Variants in RGS6 observed in about 807,000 individuals in gnomAD.
RGS6 encodes the protein regulator of G protein signaling 6.
In RGS6, 30 loss-of-function variants were observed where a neutral mutation model predicts 78.5. That is an observed-to-expected ratio of 0.38 (90% CI 0.29 to 0.52). RGS6 has a LOEUF of 0.52. Among genes scored for constraint, RGS6 ranks in the 20% least tolerant of loss-of-function variants. RGS6 has a pLI of 0.85. For synonymous variants in RGS6, 206 were observed against 206.0 expected (o/e 1.00, Z 0.00); for missense variants, 495 against 609.7 (o/e 0.81, Z 1.98).
chr14:72,212,074 G>C (rs765792314), intron 2 of RGS6, among the ~76,000 whole-genome samples: 2 of 152,136 alleles, frequency 1.3e-5, no homozygotes, highest in Non-Finnish European at 2.9e-5. Context: ...TTACCTGGGG[G>C]AGAGCACCTA....
At chr14:72,108,260 C>T (rs1384743750) in intron 2 of RGS6, among the ~76,000 whole-genome samples, 1 of 152,094 alleles carries the variant, frequency 6.6e-6, no homozygotes, top group Non-Finnish European at 1.5e-5. Flanking sequence ...AGATCATATC[C>T]TTCTGGCATA....
chr14:72,474,631 T>A lies in RGS6; in HGVS notation c.625T>A (p.Cys209Ser), dbSNP rs2096186963. The A allele has an allele frequency of 6.2e-7, 1 of 1,608,630 alleles. No individual in the cohort carries two copies. The highest frequency in any genetic ancestry group is 1.7e-5 in the Admixed American group (1 of 59,272). ...FWDVHRPVPG[C>S]VNTTEMDIRK... ...TGTGTTTTTTTTTTCTCAGCCAGGC[T>A]GTGTGAACACAACAGAAATGGATAT... is the stretch of plus-strand genomic sequence containing the variant. The change falls in exon 10 of 18, where the codon TGT (cysteine) becomes AGT (serine). Residue 209 changes from cysteine (C) to serine (S), a missense_variant. Physicochemically the swap from Cys to Ser is moderately radical, Grantham distance 112 (BLOSUM62 -1). Transcript: ENST00000553525.
At chr14:72,458,891 G>A (rs1007060096) in intron 5 of RGS6, among the ~76,000 whole-genome samples, 1 of 152,168 alleles carries the variant, frequency 6.6e-6, no homozygotes, top group African/African-American at 2.4e-5. Context: ...TTGGGGATTA[G>A]GATTTCAACA....
intron 2 of RGS6, among the ~76,000 whole-genome samples, chr14:72,148,831 T>A (rs2096643750): frequency 2.0e-5 from 3 of 152,240 alleles, no homozygotes; most frequent in African/African-American, 7.2e-5. Context: ...TGTCATAAAG[T>A]AAGCTGTTGT....
At chr14:72,265,031 C>A (rs1420365241) in intron 2 of RGS6, among the ~76,000 whole-genome samples, 1 of 152,070 alleles carries the variant, frequency 6.6e-6, no homozygotes, top group South Asian at 2.1e-4. Flanking sequence ...TCCAAATGAT[C>A]ACATATGAGC....
At chr14:71,894,705 GACAGAAA>G in the RGS6 span, among the ~76,000 whole-genome samples, 3 of 152,164 alleles carry the variant, frequency 2.0e-5, no homozygotes, top group Admixed American at 1.3e-4. Context: ...TACCTAAAAG[GACAGAAA>G]ACTAGGACTT....
intron 2 of RGS6, among the ~76,000 whole-genome samples, chr14:72,224,078 T>C (rs12147803): frequency 0.068 from 10,292 of 152,292 alleles, 511 homozygotes; most frequent in East Asian, 0.32. Flanking sequence ...CGTCAACAGC[T>C]GAAATACAAT....
chr14:72,160,513 C>T (rs1033506574), intron 2 of RGS6, among the ~76,000 whole-genome samples: 4 of 152,134 alleles, frequency 2.6e-5, no homozygotes, highest in Non-Finnish European at 5.9e-5. Context: ...GAATTGTGTT[C>T]CCCTAAAATT....
At chr14:72,594,267 T>G in the RGS6 span, 1 of 152,304 alleles carries the variant, frequency 6.6e-6, no homozygotes, top group African/African-American at 2.4e-5. Context: ...TTCCACTGCC[T>G]CCTCCACCAC....
At chr14:72,220,905 G>C (rs998538719) in intron 2 of RGS6, among the ~76,000 whole-genome samples, 1 of 152,136 alleles carries the variant, frequency 6.6e-6, no homozygotes, top group Non-Finnish European at 1.5e-5. Flanking sequence ...GGGACCCTGA[G>C]AATTAGAGTA....
At chr14:72,387,340 G>T (rs908484262) in intron 3 of RGS6, among the ~76,000 whole-genome samples, 10 of 152,266 alleles carry the variant, frequency 6.6e-5, no homozygotes, top group African/African-American at 2.2e-4. Flanking sequence ...ACCAGGTCAG[G>T]AGATGGAGAC....
chr14:71,965,240 G>A (rs2093440204), intron 2 of RGS6, among the ~76,000 whole-genome samples: 1 of 152,216 alleles, frequency 6.6e-6, no homozygotes, highest in Admixed American at 6.5e-5. Flanking sequence ...GGGAGATAGA[G>A]AGGTATATTT....
chr14:72,093,388 G>A (rs534933099), intron 2 of RGS6, among the ~76,000 whole-genome samples: 1 of 152,084 alleles, frequency 6.6e-6, no homozygotes, highest in East Asian at 1.9e-4. Context: ...GACTAAAGGT[G>A]CATGCCACCA....
chr14:72,444,217 A>G lies in RGS6; in HGVS notation c.185-10311A>G, dbSNP rs554317305. Among the ~76,000 whole-genome samples the G allele has an allele frequency of 1.1e-4, 16 of 152,312 alleles. 1 individual carries two copies. The South Asian group carries it at 1.9e-3, about 18-fold the overall frequency. On this transcript the variant is annotated intron_variant, in intron 3 of 17. Transcript: ENST00000553525. ...GTGAGATAACAAACCAGGGGAACCCATTTCAGACACCTCGCCACAGCCCTC... is the reference window on the plus strand; with the variant it reads ...GTGAGATAACAAACCAGGGGAACCCGTTTCAGACACCTCGCCACAGCCCTC...
At chr14:71,997,393 G>T (rs905955924) in intron 2 of RGS6, among the ~76,000 whole-genome samples, 8 of 152,266 alleles carry the variant, frequency 5.3e-5, no homozygotes, top group Non-Finnish European at 1.2e-4. Flanking sequence ...TGAGATACAG[G>T]TTTGAACACT....
At chr14:72,252,376 G>T (rs771858362) in intron 2 of RGS6, among the ~76,000 whole-genome samples, 47 of 152,180 alleles carry the variant, frequency 3.1e-4, no homozygotes, top group Non-Finnish European at 5.7e-4. Context: ...ATACAGTAGT[G>T]AATCTGACAG....
At chr14:71,996,030 C>G (rs577498426) in intron 2 of RGS6, among the ~76,000 whole-genome samples, 1 of 152,056 alleles carries the variant, frequency 6.6e-6, no homozygotes, top group East Asian at 1.9e-4. Context: ...TCCGAGTCAC[C>G]GGGGGATCCC....
At chr14:72,534,572 C>T (rs2097221679) in intron 15 of RGS6, among the ~76,000 whole-genome samples, 1 of 152,256 alleles carries the variant, frequency 6.6e-6, no homozygotes, top group African/African-American at 2.4e-5. Context: ...TGCCTATATA[C>T]TGCATTTCCT....
intron 2 of RGS6, among the ~76,000 whole-genome samples, chr14:72,336,107 A>T (rs370146323): frequency 6.6e-6 from 1 of 152,194 alleles, no homozygotes; most frequent in African/African-American, 2.4e-5. Context: ...TTTTCAGTTG[A>T]CTTAATTGCA....
Sources: allele counts gnomAD v4.1 joint callset (sites outside exome capture counted in the v4.1 genomes callset), GRCh38; gene constraint gnomAD v4.1.1; transcripts MANE v1.5; gene names NCBI Gene and HGNC (gene_info 2026-07-23, HGNC 2026-07-21).